GPBP1L1: variants seen among roughly 807,000 people sequenced by gnomAD.
GPBP1L1 encodes the protein vasculin-like protein 1.
In GPBP1L1, 23 loss-of-function variants were observed where a neutral mutation model predicts 52.5. The observed-to-expected ratio is 0.44, with a 90% CI of 0.32 to 0.62. GPBP1L1 has a LOEUF of 0.62. Among genes scored for constraint, GPBP1L1 ranks in the 20% least tolerant of loss-of-function variants. GPBP1L1 has a pLI of 0.06. For missense variants in GPBP1L1, 596 were observed against 579.3 expected (o/e 1.03, Z -0.30); for synonymous variants, 243 against 203.1 (o/e 1.20, Z -1.67).
chr1:45,686,093 G>C (rs1404419910), intron 1 of GPBP1L1, among the ~76,000 whole-genome samples: 1 of 152,240 alleles, frequency 6.6e-6, no homozygotes, highest in Non-Finnish European at 1.5e-5. Flanking sequence ...GCACCAAGCC[G>C]GATCGCCTGG....
chr1:45,645,016 CGTT>C (rs1445530810), intron 6 of GPBP1L1, among the ~76,000 whole-genome samples: 2 of 152,130 alleles, frequency 1.3e-5, no homozygotes, highest in Non-Finnish European at 2.9e-5. Flanking sequence ...CAACCCTCGT[CGTT>C]ATTATTATTA....
At chr1:45,636,385 T>A (rs1228757844) in intron 8 of GPBP1L1, among the ~76,000 whole-genome samples, 1 of 152,218 alleles carries the variant, frequency 6.6e-6, no homozygotes, top group Non-Finnish European at 1.5e-5. Flanking sequence ...CTTATAACTG[T>A]TTCAGTTTAA....
chr1:45,677,229 G>A (rs1645157713), intron 2 of GPBP1L1, among the ~76,000 whole-genome samples: 1 of 151,644 alleles, frequency 6.6e-6, no homozygotes, highest in Non-Finnish European at 1.5e-5. Context: ...CCAGCTACTC[G>A]GGAGACTAAG....
At chr1:45,687,544 C>A (rs1411630630), upstream of GPBP1L1, 1 of 152,248 alleles carries the variant, frequency 6.6e-6, no homozygotes, top group Non-Finnish European at 1.5e-5. Flanking sequence ...CTAAAATTGC[C>A]TGGTGCCATT....
intron 4 of GPBP1L1, chr1:45,658,686 T>C (rs911365776): frequency 3.7e-6 from 1 of 272,702 alleles, no homozygotes. Flanking sequence ...TCCCAGCACT[T>C]TGGGAAGTCC....
At chr1:45,670,213 G>A (rs549910329) in intron 2 of GPBP1L1, among the ~76,000 whole-genome samples, 42 of 152,334 alleles carry the variant, frequency 2.8e-4, no homozygotes, top group African/African-American at 8.7e-4. Context: ...GGTTTAACAC[G>A]ATCACCTACT....
In GPBP1L1 at chr1:45,640,331, G is replaced by A; in HGVS notation, c.623C>T (p.Ala208Val). Residue 208 changes from alanine (A) to valine (V), a missense_variant, in exon 8 of 13, where the codon GCT (alanine) becomes GTT (valine). Ala to Val is a moderately conservative substitution (Grantham distance 64, BLOSUM62 0). Transcript: ENST00000355105. ...TGAGGTGAATGCAGCAGAGAAGGCA[G>A]CAGCAGGATCCTCTTTGGAAACTTT... ...IKKVSKEDPAAAFSAAFTSPG... is the reference protein window; with the variant it reads ...IKKVSKEDPAVAFSAAFTSPG... The A allele has an allele frequency of 6.2e-7, 1 of 1,614,110 alleles. No homozygotes were observed. Among genetic ancestry groups the A allele is most frequent in the African/African-American group, 1.3e-5 (1 of 75,028 alleles).
At chr1:45,642,585 T>A in intron 6 of GPBP1L1, 86 bp from the exon 7 acceptor site, 1 of 905,372 alleles carries the variant, frequency 1.1e-6, no homozygotes, top group Non-Finnish European at 1.8e-6. Flanking sequence ...ATGGAACCTA[T>A]CAAATAATTA....
intron 12 of GPBP1L1, 122 bp downstream of exon 12, chr1:45,629,454 T>TTCCCCCCCCC (rs758811981): frequency 2.6e-5 from 3 of 117,618 alleles, no homozygotes; most frequent in African/African-American, 1.0e-4. Flanking sequence ...ACTAAGGTAA[T>TTCCCCCCCCC]CCCCCCCCCC....
In GPBP1L1 at chr1:45,655,140, G is replaced by T. The variant is rs189762180; in HGVS notation, c.190+50C>A. On this transcript the variant is annotated intron_variant, in intron 5 of 12. Transcript: ENST00000355105. Reference sequence around the variant, plus strand: ...AGACATGTACCCACAGCCTGGGCTTGTCCTAAATGAGTAGCTTAAATATAG... The same window carrying T: ...AGACATGTACCCACAGCCTGGGCTTTTCCTAAATGAGTAGCTTAAATATAG... The T allele has an allele frequency of 5.6e-4, 908 of 1,610,020 alleles. 4 individuals carry two copies. Among genetic ancestry groups the T allele is most frequent in the Non-Finnish European group, 1.2e-4 (140 of 1,176,572 alleles).
At chr1:45,652,462 T>C (rs1466416876) in intron 6 of GPBP1L1, among the ~76,000 whole-genome samples, 1 of 152,234 alleles carries the variant, frequency 6.6e-6, no homozygotes, top group Non-Finnish European at 1.5e-5. Flanking sequence ...CAATTACTTC[T>C]ACTTTACTCC....
At chr1:45,666,619 G>A (rs1370278390) in intron 2 of GPBP1L1, among the ~76,000 whole-genome samples, 1 of 152,092 alleles carries the variant, frequency 6.6e-6, no homozygotes, top group Non-Finnish European at 1.5e-5. Context: ...ATGTATTGCT[G>A]GTAGAAATGT....
intron 6 of GPBP1L1, chr1:45,651,219 G>C: frequency 2.3e-6 from 1 of 436,148 alleles, no homozygotes; most frequent in South Asian, 1.7e-5. Context: ...CCTGTGTGAA[G>C]GCAACCAGTG....
intron 6 of GPBP1L1, 155 bp downstream of exon 6, chr1:45,654,388 T>C: frequency 1.4e-6 from 1 of 709,732 alleles, no homozygotes; most frequent in Non-Finnish European, 2.2e-6. Context: ...TTTTCAAATA[T>C]TATCAACTTA....
chr1:45,643,530 A>G (rs1644701012), intron 6 of GPBP1L1, among the ~76,000 whole-genome samples: 1 of 152,142 alleles, frequency 6.6e-6, no homozygotes, highest in African/African-American at 2.4e-5. Flanking sequence ...AAGGTAACAG[A>G]AGTAGAGAAC....
Position 45,659,027 on chromosome 1 carries a change from C to A in GPBP1L1, c.60+1G>T. On this transcript the variant is annotated splice_donor_variant, in intron 4 of 12. Transcript: ENST00000355105. LOFTEE classifies it high-confidence loss of function. Reference sequence around the variant, plus strand: ...GTTACTACAGGAATGGAGAACAGTACCTTAGCTGACTGTGGTGTTGAGAAA... The same window carrying A: ...GTTACTACAGGAATGGAGAACAGTAACTTAGCTGACTGTGGTGTTGAGAAA... 6.3e-7 allele frequency: 1 copy of A among 1,594,430 alleles called. No homozygotes were observed. Among genetic ancestry groups the A allele is most frequent in the African/African-American group, 1.3e-5 (1 of 74,706 alleles).
At chr1:45,630,667 A>T in intron 10 of GPBP1L1, 61 bp from the exon 11 acceptor site, 1 of 1,576,486 alleles carries the variant, frequency 6.3e-7, no homozygotes, top group Non-Finnish European at 8.6e-7. Context: ...AATATAAGCA[A>T]CCTATGAAAT....
At chr1:45,684,747 T>C (rs1425899961) in intron 2 of GPBP1L1, among the ~76,000 whole-genome samples, 1 of 152,182 alleles carries the variant, frequency 6.6e-6, no homozygotes, top group African/African-American at 2.4e-5. Context: ...GCAACTAGCT[T>C]GTAATTTCTA....
At chr1:45,655,152 T>C (rs1644869361) in intron 5 of GPBP1L1, 38 bp downstream of exon 5, 9 of 1,613,030 alleles carry the variant, frequency 5.6e-6, no homozygotes, top group Non-Finnish European at 7.6e-6. Flanking sequence ...CCTAAATGAG[T>C]AGCTTAAATA....
Sources: allele counts gnomAD v4.1 joint callset (sites outside exome capture counted in the v4.1 genomes callset), GRCh38; gene constraint gnomAD v4.1.1; transcripts MANE v1.5; gene names NCBI Gene and HGNC (gene_info 2026-07-23, HGNC 2026-07-21).